NUP93: variants seen among roughly 807,000 people sequenced by gnomAD.
NUP93 encodes the protein nuclear pore complex protein Nup93.
A neutral mutation model predicts 107.8 loss-of-function variants in NUP93; 55 were observed. The ratio of observed to expected loss-of-function variants is 0.51; its 90% CI spans 0.41 to 0.64. The LOEUF (loss-of-function observed/expected upper bound fraction) is 0.64. Among genes scored for constraint, NUP93 ranks in the 30% least tolerant of loss-of-function variants. The probability of loss-of-function intolerance (pLI) is 0.00; values close to 1 mark genes in which losing one functional copy is unlikely to be tolerated. For synonymous variants in NUP93, 390 were observed against 397.5 expected (o/e 0.98, Z 0.22); for missense variants, 937 against 1,044.7 (o/e 0.90, Z 1.42).
At chr16:56,798,285 A>T (rs1255225963) in intron 3 of NUP93, among the ~76,000 whole-genome samples, 191 bp from the exon 4 acceptor site, 2 of 152,190 alleles carry the variant, frequency 1.3e-5, no homozygotes, top group African/African-American at 4.8e-5. Context: ...AACAATCATC[A>T]TGTGCTCCCA....
chr16:56,745,940 G>A (rs2144451588), intron 1 of NUP93, among the ~76,000 whole-genome samples: 1 of 152,128 alleles, frequency 6.6e-6, no homozygotes, highest in Admixed American at 6.5e-5. Flanking sequence ...CATTTGAGAA[G>A]GTGAGCATTT....
intron 1 of NUP93, among the ~76,000 whole-genome samples, chr16:56,730,672 G>A (rs1961519485): frequency 6.6e-6 from 1 of 152,182 alleles, no homozygotes; most frequent in South Asian, 2.1e-4. Flanking sequence ...TTTGGGGCGA[G>A]GGGAACTTAT....
rs537244026 is a variant in NUP93, at chr16:56,838,354, T to C, written c.2019-598T>C. ...TCCCCAGTGAGGGCTGCTCGGCTTTTTGCCCATCACGACCTCCCACCTTTC... is the reference window on the plus strand; with the variant it reads ...TCCCCAGTGAGGGCTGCTCGGCTTTCTGCCCATCACGACCTCCCACCTTTC... On this transcript the variant is annotated intron_variant, in intron 18 of 21. Transcript: ENST00000308159. Among the ~76,000 whole-genome samples, 5 of 152,332 alleles carry C rather than the reference T, an allele frequency of 3.3e-5. No individual in the cohort carries two copies. In the East Asian group the frequency reaches 9.6e-4, roughly 29 times the overall value.
intron 5 of NUP93, among the ~76,000 whole-genome samples, chr16:56,808,179 AATAT>A (rs1963198275): frequency 1.7e-5 from 2 of 119,374 alleles, no homozygotes; most frequent in Non-Finnish European, 3.3e-5. Flanking sequence ...AACTATATAA[AATAT>A]ATAGTTATAT....
chr16:56,776,003 T>TA (rs1200075395), intron 3 of NUP93, among the ~76,000 whole-genome samples: 6 of 149,414 alleles, frequency 4.0e-5, no homozygotes, highest in Admixed American at 6.7e-5. Flanking sequence ...ATTTTATATA[T>TA]TTTTTTTTTC....
At chr16:56,834,698 G>C in intron 15 of NUP93, 36 bp from the exon 16 acceptor site, 2 of 1,575,454 alleles carry the variant, frequency 1.3e-6, no homozygotes, top group Non-Finnish European at 1.7e-6. Context: ...TTATATCTTT[G>C]TCCAATAATT....
At chr16:56,775,424 A>G (rs1962398609) in intron 3 of NUP93, among the ~76,000 whole-genome samples, 1 of 152,216 alleles carries the variant, frequency 6.6e-6, no homozygotes, top group Non-Finnish European at 1.5e-5. Flanking sequence ...TAAGCACTTT[A>G]AGTGGATATA....
rs138292385 is a variant in NUP93, at chr16:56,802,647, A to G, written c.361-2857A>G. 7.7e-3 allele frequency among the ~76,000 whole-genome samples: 1,172 copies of G among 152,348 alleles called. 17 individuals carry two copies. Among genetic ancestry groups the G allele is most frequent in the African/African-American group, 0.027 (1,109 of 41,584 alleles). On this transcript the variant is annotated intron_variant, in intron 4 of 21. Coordinates refer to ENST00000308159, the MANE Select transcript of NUP93 (RefSeq NM_014669.5). ...ATTTTAATAAATATTGGTCTGAAACAAAACATCCCAATTGTAGGAAGAGTA... is the reference window on the plus strand; with the variant it reads ...ATTTTAATAAATATTGGTCTGAAACGAAACATCCCAATTGTAGGAAGAGTA...
intron 5 of NUP93, among the ~76,000 whole-genome samples, chr16:56,807,068 T>C (rs1963158702): frequency 6.6e-6 from 1 of 152,236 alleles, no homozygotes; most frequent in Non-Finnish European, 1.5e-5. Context: ...CTTTGACATG[T>C]GGGTCCCTAC....
intron 20 of NUP93, among the ~76,000 whole-genome samples, chr16:56,840,854 G>A (rs938289686): frequency 3.7e-4 from 56 of 152,194 alleles, no homozygotes; most frequent in African/African-American, 8.4e-4. Context: ...AAAATTAGCC[G>A]GGCGTGGTGA....
intron 1 of NUP93, among the ~76,000 whole-genome samples, chr16:56,741,622 A>G (rs747954791): frequency 5.9e-5 from 9 of 152,228 alleles, no homozygotes; most frequent in Non-Finnish European, 1.0e-4. Flanking sequence ...AATCAAAAAT[A>G]ATTATTTAAA....
At chr16:56,813,845 T>G (rs1963365097) in intron 5 of NUP93, among the ~76,000 whole-genome samples, 1 of 152,238 alleles carries the variant, frequency 6.6e-6, no homozygotes, top group Non-Finnish European at 1.5e-5. Context: ...GTTCTAATAG[T>G]GTTCCAGCCT....
chr16:56,844,406 G>C, intron 21 of NUP93, 93 bp from the exon 22 acceptor site: 1 of 660,804 alleles, frequency 1.5e-6, no homozygotes. Flanking sequence ...GGTAGAGGAT[G>C]GAAGAACATG....
At chr16:56,840,195 T>C (rs535542771) in intron 20 of NUP93, among the ~76,000 whole-genome samples, 1 of 152,228 alleles carries the variant, frequency 6.6e-6, no homozygotes, top group South Asian at 2.1e-4. Context: ...TAATTTTTTG[T>C]ATATTTAGTA....
intron 3 of NUP93, among the ~76,000 whole-genome samples, chr16:56,787,076 TAG>T (rs1400283868): frequency 5.9e-5 from 9 of 152,252 alleles, no homozygotes; most frequent in Non-Finnish European, 7.3e-5. Flanking sequence ...ATTAAGGTTT[TAG>T]AGAGTGTGAA....
At chr16:56,842,793 T>G (rs1964052303) in intron 21 of NUP93, 1 of 331,660 alleles carries the variant, frequency 3.0e-6, no homozygotes, top group Non-Finnish European at 6.0e-6. Flanking sequence ...GCTCAAGAGA[T>G]CCCCCAACCT....
intron 1 of NUP93, among the ~76,000 whole-genome samples, chr16:56,730,833 C>A (rs1961522774): frequency 6.6e-6 from 1 of 152,184 alleles, no homozygotes; most frequent in African/African-American, 2.4e-5. Flanking sequence ...ATTATGGGGC[C>A]GACCCCATGG....
chr16:56,791,948 C>T (rs1335962686), intron 3 of NUP93, among the ~76,000 whole-genome samples: 2 of 152,174 alleles, frequency 1.3e-5, no homozygotes, highest in African/African-American at 4.8e-5. Flanking sequence ...CATACAATTA[C>T]ATATATATAA....
chr16:56,841,615 G>T, intron 20 of NUP93, 90 bp from the exon 21 acceptor site: 1 of 1,524,852 alleles, frequency 6.6e-7, no homozygotes, highest in Non-Finnish European at 8.9e-7. Flanking sequence ...GTGCAACCAG[G>T]CCTGCCTGGA....
Sources: gnomAD v4.1 joint callset for allele counts (sites outside exome capture counted in the v4.1 genomes callset) on GRCh38, gnomAD v4.1.1 for gene constraint, MANE v1.5 for transcripts, NCBI Gene and HGNC (gene_info 2026-07-23, HGNC 2026-07-21) for gene names.